TMX3: variants seen among roughly 807,000 people sequenced by gnomAD.
TMX3 encodes the protein thioredoxin related transmembrane protein 3.
TMX3 carries 40 observed loss-of-function variants against 64.4 expected under a neutral mutation model. The ratio of observed to expected loss-of-function variants is 0.62; its 90% CI spans 0.48 to 0.81. The LOEUF (loss-of-function observed/expected upper bound fraction) is 0.81, where lower values mean the gene tolerates loss of function less well. Among genes scored for constraint, TMX3 ranks in the 30% least tolerant of loss-of-function variants. The pLI is 0.00. For synonymous variants in TMX3, 189 were observed against 175.7 expected, an observed-to-expected ratio of 1.08 and a Z score of -0.60; for missense variants, 497 against 534.5, an observed-to-expected ratio of 0.93 and a Z score of 0.69.
At chr18:68,692,296 G>T (rs1203524464) in intron 8 of TMX3, among the ~76,000 whole-genome samples, 1 of 152,088 alleles carries the variant, frequency 6.6e-6, no homozygotes. Context: ...CAATATCCCT[G>T]AATAGTTCTT....
intron 2 of TMX3, among the ~76,000 whole-genome samples, chr18:68,712,200 C>T (rs963364317): frequency 8.5e-5 from 13 of 152,120 alleles, no homozygotes; most frequent in African/African-American, 2.9e-4. Flanking sequence ...CTAAGCGAAA[C>T]CCAGAGACAT....
intron 9 of TMX3, among the ~76,000 whole-genome samples, chr18:68,690,700 T>G (rs372320650): frequency 6.6e-6 from 1 of 152,240 alleles, no homozygotes; most frequent in African/African-American, 2.4e-5. Flanking sequence ...AAAGTTGAAG[T>G]TGGAGCAAAT....
chr18:68,699,016 C>T (rs575379272), intron 6 of TMX3, among the ~76,000 whole-genome samples: 46 of 148,442 alleles, frequency 3.1e-4, no homozygotes, highest in East Asian at 1.4e-3. Context: ...AGCGAGACTC[C>T]GCCTCAAAAA....
chr18:68,676,843 T>A lies in TMX3; in HGVS notation c.*90A>T. 4 of 1,461,588 alleles carry A rather than the reference T, an allele frequency of 2.7e-6. No individual in the cohort carries two copies. The highest frequency in any genetic ancestry group is 3.7e-6 in the Non-Finnish European group (4 of 1,090,572). The allele number at this position is 1,461,588 out of a possible 1,614,324, so 90.5% of individuals were successfully genotyped here. On this transcript the variant is annotated 3_prime_UTR_variant, in exon 16 of 16. Transcript: ENST00000299608. Reference sequence around the variant, plus strand: ...GCAAAATACGAATAACATGTTCTTTTCTGTAAAGATCATGATTAAATGTCT... The same window carrying A: ...GCAAAATACGAATAACATGTTCTTTACTGTAAAGATCATGATTAAATGTCT...
chr18:68,684,797 C>T (rs1454408094), intron 10 of TMX3, among the ~76,000 whole-genome samples: 1 of 151,958 alleles, frequency 6.6e-6, no homozygotes, highest in Admixed American at 6.5e-5. Context: ...TGTATTTTTT[C>T]CTTACACCCT....
Position 68,697,314 on chromosome 18 carries a change from A to T in TMX3, c.493-11T>A, listed in dbSNP as rs760272680. On this transcript the variant is annotated splice_polypyrimidine_tract_variant and intron_variant, in intron 7 of 15. Transcript: ENST00000299608. ...ATCTATGTATTTCTCCTATGAAGAT[A>T]CAAACAGAAAAAAGATCATTGAAAA... 1.4e-6 allele frequency: 2 copies of T among 1,479,808 alleles called. No homozygotes were observed. The highest frequency in any genetic ancestry group is 1.3e-5 in the South Asian group (1 of 74,638). 91.7% of individuals were successfully genotyped at this position (1,479,808 alleles called of 1,614,324 possible).
At chr18:68,691,895 G>T (rs1182545396) in intron 8 of TMX3, among the ~76,000 whole-genome samples, 3 of 152,090 alleles carry the variant, frequency 2.0e-5, no homozygotes, top group African/African-American at 7.2e-5. Flanking sequence ...TACTTTGAGA[G>T]AAAAATTATA....
At chr18:68,697,844 A>G (rs959262739) in intron 7 of TMX3, 88 bp downstream of exon 7, 11 of 793,366 alleles carry the variant, frequency 1.4e-5, no homozygotes, top group Non-Finnish European at 2.3e-5. Context: ...GTGCAGAGTA[A>G]TAAGTTCTGC....
chr18:68,680,043 T>A (rs1424835812), intron 14 of TMX3, among the ~76,000 whole-genome samples: 2 of 152,192 alleles, frequency 1.3e-5, no homozygotes, highest in East Asian at 3.8e-4. Context: ...TGTTAAATAG[T>A]CTGAGTTGCA....
chr18:68,678,539 G>A lies in TMX3; in HGVS notation c.1104+924C>T, dbSNP rs1372804774. Among the ~76,000 whole-genome samples, 3 of 152,182 alleles carry A rather than the reference G, an allele frequency of 2.0e-5. No individual in the cohort carries two copies. The East Asian group carries it at 5.8e-4, about 29-fold the overall frequency. ...GGAGTAGTGATACTCACAGCAGCAC[G>A]GAAAGGAGAATGTCAAGGAAAGGAT... is the stretch of plus-strand genomic sequence containing the variant. On this transcript the variant is annotated intron_variant, in intron 15 of 15. Transcript: ENST00000299608.
At chr18:68,703,789 G>A (rs1034315934) in intron 4 of TMX3, among the ~76,000 whole-genome samples, 2 of 152,056 alleles carry the variant, frequency 1.3e-5, no homozygotes, top group East Asian at 1.9e-4. Context: ...AATTAGTCGC[G>A]CGCGGTGGCG....
intron 4 of TMX3, 42 bp from the exon 5 acceptor site, chr18:68,701,832 A>T: frequency 6.4e-7 from 1 of 1,552,748 alleles, no homozygotes; most frequent in Non-Finnish European, 8.8e-7. Context: ...TTTTTTTTAA[A>T]TATGAGAAAC....
At chr18:68,693,998 G>C (rs1914802420) in intron 8 of TMX3, among the ~76,000 whole-genome samples, 2 of 152,230 alleles carry the variant, frequency 1.3e-5, no homozygotes, top group African/African-American at 4.8e-5. Flanking sequence ...CTGTGGAAAG[G>C]AGCTACCTAC....
rs1599290044 is a variant in TMX3 at position 68,676,390 on chromosome 18, T to C, written c.*543A>G. ...ACATTTCTTCTCCTTTAAAAATAAC[T>C]AACAAAATAAAACCACTATGCTATA... On this transcript the variant is annotated 3_prime_UTR_variant, in exon 16 of 16. Coordinates refer to ENST00000299608, the MANE Select transcript of TMX3 (RefSeq NM_019022.5). 6.6e-6 allele frequency: 1 copy of C among 152,318 alleles called. No individual in the cohort carries two copies. The highest frequency in any genetic ancestry group is 1.9e-4 in the East Asian group (1 of 5,188). The allele number at this position is 152,318 out of a possible 1,614,324, so 9.4% of individuals were successfully genotyped here. A position where few individuals can be genotyped will look rare whatever the true frequency, so the allele number is the denominator to read the frequency against.
chr18:68,691,604 A>G (rs889450509), intron 8 of TMX3, among the ~76,000 whole-genome samples: 1 of 152,174 alleles, frequency 6.6e-6, no homozygotes, highest in African/African-American at 2.4e-5. Flanking sequence ...GATTATTCTT[A>G]CCTGATAACA....
At chr18:68,700,202 G>GT (rs1915527786) in intron 6 of TMX3, among the ~76,000 whole-genome samples, 1 of 152,160 alleles carries the variant, frequency 6.6e-6, no homozygotes, top group African/African-American at 2.4e-5. Flanking sequence ...AGGTTAACAA[G>GT]TATGTAATAC....
At chr18:68,697,076 T>G in intron 8 of TMX3, 150 bp downstream of exon 8, 1 of 503,916 alleles carries the variant, frequency 2.0e-6, no homozygotes, top group Non-Finnish European at 3.5e-6. Context: ...AGAATCAGCA[T>G]GTTTACTTTT....
At chr18:68,703,254 T>G (rs1195183591) in intron 4 of TMX3, among the ~76,000 whole-genome samples, 1 of 152,228 alleles carries the variant, frequency 6.6e-6, no homozygotes, top group Non-Finnish European at 1.5e-5. Context: ...TTAAAACTCA[T>G]TTTAAAAAAC....
Position 68,676,769 on chromosome 18 carries a change from C to T in TMX3, c.*164G>A, listed in dbSNP as rs1912958553. The T allele has an allele frequency of 1.2e-6, 1 of 835,338 alleles. No individual in the cohort carries two copies. Among genetic ancestry groups the T allele is most frequent in the Admixed American group, 3.0e-5 (1 of 33,566 alleles). The allele number at this position is 835,338 out of a possible 1,614,324, so 51.7% of individuals were successfully genotyped here. On this transcript the variant is annotated 3_prime_UTR_variant, in exon 16 of 16. Coordinates refer to ENST00000299608, the MANE Select transcript of TMX3 (RefSeq NM_019022.5). ...AAACTGTTCATCTCTTTGCTCCAAA[C>T]ACTTCCCCATGTATGGAGGGACTAC...
Sources: allele counts gnomAD v4.1 joint callset (sites outside exome capture counted in the v4.1 genomes callset), GRCh38; gene constraint gnomAD v4.1.1; transcripts MANE v1.5; gene names NCBI Gene and HGNC (gene_info 2026-07-23, HGNC 2026-07-21).